Variants in HUWE1 observed in about 807,000 individuals in gnomAD.
The protein encoded by HUWE1 is HECT, UBA and WWE domain containing E3 ubiquitin protein ligase 1.
A neutral mutation model predicts 299.4 loss-of-function variants in HUWE1; 18 were observed. That is an observed-to-expected ratio of 0.06 (90% CI 0.04 to 0.09). HUWE1 has a LOEUF of 0.09. Among genes scored for constraint, HUWE1 ranks in the 10% least tolerant of loss-of-function variants. The pLI, the probability that HUWE1 is intolerant of heterozygous loss-of-function variation, is 1.00. For missense variants in HUWE1, 1,832 were observed against 3,462.3 expected, an observed-to-expected ratio of 0.53 and a Z score of 11.82; for synonymous variants, 1,317 against 1,286.1, an observed-to-expected ratio of 1.02 and a Z score of -0.51.
chrX:53,547,799 G>C lies in HUWE1; in HGVS notation c.10510C>G (p.Pro3504Ala), dbSNP rs199693166. 169 of 1,198,543 alleles carry C rather than the reference G, an allele frequency of 1.4e-4. No homozygotes were observed. Among genetic ancestry groups the C allele is most frequent in the African/African-American group, 5.3e-5 (3 of 56,818 alleles). Reference sequence around the variant, plus strand: ...GTGACAGGGGTGGGTGCAGTAGGGGGTGTGGGCGTGGTGGAGGCGGCAGTG... The same window carrying C: ...GTGACAGGGGTGGGTGCAGTAGGGGCTGTGGGCGTGGTGGAGGCGGCAGTG... ...TTTAASTTPT[P>A]PTAPTPVTSA... The change falls in exon 68 of 84, where the codon CCC becomes GCC. Residue 3504 changes from proline (P) to alanine (A), a missense_variant. Physicochemically the swap from Pro to Ala is conservative, Grantham distance 27. Around this residue, in one of 15 missense-constraint regions of HUWE1, gnomAD observed 119 missense variants for 124.6 expected, o/e 0.96. Coordinates refer to ENST00000262854, the MANE Select transcript of HUWE1 (RefSeq NM_031407.7).
chrX:53,537,531 C>G, intron 78 of HUWE1, 25 bp downstream of exon 78: 1 of 1,208,892 alleles, frequency 8.3e-7, no homozygotes, highest in East Asian at 3.0e-5. Context: ...CACCCGCCAT[C>G]TTTTCTCCGT....
chrX:53,569,219 A>G (rs1423744433), intron 48 of HUWE1, among the ~76,000 whole-genome samples: 2 of 112,148 alleles, frequency 1.8e-5, no homozygotes, highest in African/African-American at 6.5e-5. Context: ...GGGTTTCGCC[A>G]TGTTGCCAAG....
At chrX:53,587,392 A>G (rs953767873) in intron 37 of HUWE1, among the ~76,000 whole-genome samples, 1 of 112,611 alleles carries the variant, frequency 8.9e-6, no homozygotes, top group African/African-American at 3.2e-5. Context: ...TAAATGTCCA[A>G]GGATAGGTAA....
chrX:53,597,286 CTGCCTGAAAGGGTTTT>C (rs1422969091), intron 29 of HUWE1, among the ~76,000 whole-genome samples: 4 of 107,724 alleles, frequency 3.7e-5, no homozygotes, highest in Non-Finnish European at 7.7e-5. Context: ...GAAAGGGTAT[CTGCCTGAAAGGGTTTT>C]TCATACAGAC....
intron 80 of HUWE1, chrX:53,535,929 T>G (rs936794114): frequency 2.3e-5 from 7 of 298,456 alleles, no homozygotes; most frequent in African/African-American, 1.7e-4. Flanking sequence ...GGAGTTTTTT[T>G]TTTTTTTTTT....
At chrX:53,648,893 T>C (rs1168536390) in intron 4 of HUWE1, among the ~76,000 whole-genome samples, 1 of 112,153 alleles carries the variant, frequency 8.9e-6, no homozygotes, top group African/African-American at 3.2e-5. Context: ...TTTCCATACA[T>C]TTCTGCTCTC....
intron 2 of HUWE1, among the ~76,000 whole-genome samples, chrX:53,681,187 G>A (rs782163069): frequency 1.8e-5 from 2 of 111,090 alleles, no homozygotes; most frequent in Non-Finnish European, 3.8e-5. Context: ...TGTAATCTCA[G>A]CACTTTGGGA....
intron 26 of HUWE1, among the ~76,000 whole-genome samples, chrX:53,604,203 C>T (rs1041283254): frequency 9.9e-5 from 11 of 111,668 alleles, no homozygotes; most frequent in Non-Finnish European, 1.9e-4. Context: ...ACAGGTCAAA[C>T]GTTTGATATG....
In HUWE1 at chrX:53,606,063, C is replaced by A. The variant is rs782565514; in HGVS notation, c.2497-1229G>T. On this transcript the variant is annotated intron_variant, in intron 25 of 83. Coordinates refer to ENST00000262854, the MANE Select transcript of HUWE1 (RefSeq NM_031407.7). The stretch of plus-strand genomic sequence containing the variant: ...TGGCAATGGTTTTGTGGACACGACA[C>A]CAAAAACACAGGTGTTTACACAGGC... Among the ~76,000 whole-genome samples, 4 of 111,526 alleles carry A rather than the reference C, an allele frequency of 3.6e-5. No homozygotes were observed. The East Asian group carries it at 1.1e-3, about 31-fold the overall frequency.
At chrX:53,587,202 T>C (rs1418522772) in intron 37 of HUWE1, among the ~76,000 whole-genome samples, 2 of 112,405 alleles carry the variant, frequency 1.8e-5, no homozygotes, top group African/African-American at 6.5e-5. Flanking sequence ...CTAATGTATA[T>C]GCTTAATATG....
rs782805963 is a variant in HUWE1 at position 53,648,861 on chromosome X, CCATT to C, written c.46-555_46-552del. On this transcript the variant is annotated intron_variant, in intron 4 of 83. Coordinates refer to ENST00000262854, the MANE Select transcript of HUWE1 (RefSeq NM_031407.7). Reference sequence around the variant, plus strand: ...TTCCGAACTTCGTAAAACTAGGACTCCATTCTTTCTTGGGGTTCCTATTTCCATA... The same window carrying C: ...TTCCGAACTTCGTAAAACTAGGACTCCTTTCTTGGGGTTCCTATTTCCATA... 3.8e-4 allele frequency among the ~76,000 whole-genome samples: 43 copies of C among 111,894 alleles called. No individual in the cohort carries two copies. Among genetic ancestry groups the C allele is most frequent in the Non-Finnish European group, 6.8e-4 (36 of 53,161 alleles).
At chrX:53,625,834 C>T (rs1322435933) in intron 17 of HUWE1, 7 of 129,937 alleles carry the variant, frequency 5.4e-5, no homozygotes, top group South Asian at 2.9e-4. Context: ...GGACCAGGAC[C>T]GGGGCCGGGG....
chrX:53,586,870 C>T lies in HUWE1; in HGVS notation c.4654G>A (p.Gly1552Ser), dbSNP rs782220424. The part of the protein sequence containing the change: ...LPCAWVVESS[G>S]ILNVLIKLLE... Reference sequence around the variant, plus strand: ...AGTTTGATTAGGACATTAAGGATGCCACTTGATTCAACCACCCAAGCACAA... The same window carrying T: ...AGTTTGATTAGGACATTAAGGATGCTACTTGATTCAACCACCCAAGCACAA... The change falls in exon 38 of 84, where the codon GGC becomes AGC. Residue 1552 changes from glycine (G) to serine (S), a missense_variant. Around this residue, in one of 15 missense-constraint regions of HUWE1, gnomAD observed 658 missense variants for 1,282.6 expected, o/e 0.51. Coordinates refer to ENST00000262854, the MANE Select transcript of HUWE1 (RefSeq NM_031407.7). The T allele has an allele frequency of 4.1e-6, 5 of 1,208,760 alleles. No homozygotes were observed. The highest frequency in any genetic ancestry group is 5.6e-6 in the Non-Finnish European group (5 of 894,487).
At position 53,653,679 on chromosome X, in the gene HUWE1, T is replaced by C. The variant is rs1384102602; in HGVS notation, c.45+384A>G. On this transcript the variant is annotated intron_variant, in intron 4 of 83. Coordinates refer to ENST00000262854, the MANE Select transcript of HUWE1 (RefSeq NM_031407.7). ...ACAAAAAAACTAGTAAGAAAGATGT[T>C]ACCACTTTCATTTTCTAAAAAACAA... 8.9e-5 allele frequency among the ~76,000 whole-genome samples: 10 copies of C among 112,618 alleles called. No individual in the cohort carries two copies. The Admixed American group carries it at 9.4e-4, about 11-fold the overall frequency.
At chrX:53,671,182 T>C (rs1569515003) in intron 3 of HUWE1, among the ~76,000 whole-genome samples, 1 of 111,576 alleles carries the variant, frequency 9.0e-6, no homozygotes, top group Non-Finnish European at 1.9e-5. Flanking sequence ...GTTCAGTGTA[T>C]ACTGCTCCAG....
intron 59 of HUWE1, 93 bp downstream of exon 59, chrX:53,558,562 G>C: frequency 1.1e-6 from 1 of 891,605 alleles, no homozygotes; most frequent in Admixed American, 2.2e-5. Flanking sequence ...AACGTTCTAG[G>C]ATTCTTCAGT....
chrX:53,561,421 T>C (rs781948854), intron 55 of HUWE1, among the ~76,000 whole-genome samples: 4 of 112,907 alleles, frequency 3.5e-5, no homozygotes, highest in East Asian at 5.6e-4. Flanking sequence ...ATAAGGATTA[T>C]TGATTGCCCT....
chrX:53,578,259 G>A (rs782509186), intron 43 of HUWE1, among the ~76,000 whole-genome samples: 128 of 107,155 alleles, frequency 1.2e-3, no homozygotes, highest in African/African-American at 3.9e-3. Context: ...CCGCCGCCCC[G>A]TCTGAGAAGT....
intron 3 of HUWE1, among the ~76,000 whole-genome samples, chrX:53,661,277 G>A (rs973784840): frequency 9.0e-5 from 10 of 111,576 alleles, no homozygotes; most frequent in African/African-American, 2.0e-4. Flanking sequence ...GTTGTGATCC[G>A]CCCGCCTCGG....
Sources: gnomAD v4.1 joint callset for allele counts (sites outside exome capture counted in the v4.1 genomes callset) on GRCh38, gnomAD v4.1.1 for gene constraint, gnomAD v4.1.1 regional missense constraint, MANE v1.5 for transcripts, NCBI Gene and HGNC (gene_info 2026-07-23, HGNC 2026-07-21) for gene names.